The following MLLT1 variants were observed in gnomAD, a reference collection of about 807,000 sequenced individuals.
MLLT1 encodes the protein MLLT1 super elongation complex subunit.
MLLT1 carries 11 observed loss-of-function variants against 55.1 expected under a neutral mutation model. That is an observed-to-expected ratio of 0.20 (90% CI 0.13 to 0.33). The LOEUF is 0.33. MLLT1 is among the 10% of genes least tolerant of loss of function. The pLI is 1.00. For synonymous variants in MLLT1, 323 were observed against 320.1 expected, an observed-to-expected ratio of 1.01 and a Z score of -0.10; for missense variants, 536 against 760.6, an observed-to-expected ratio of 0.70 and a Z score of 3.47.
chr19:6,250,089 G>A (rs755018024), intron 3 of MLLT1, among the ~76,000 whole-genome samples: 8 of 151,484 alleles, frequency 5.3e-5, no homozygotes, highest in Non-Finnish European at 1.2e-4. Context: ...AATCAAATAC[G>A]GGCAAAGAGC....
rs146623698 is a variant in MLLT1 at position 6,254,688 on chromosome 19, T to C, written c.276+7540A>G. Among the ~76,000 whole-genome samples the C allele has an allele frequency of 2.9e-3, 445 of 152,304 alleles. 3 individuals carry two copies. The highest frequency in any genetic ancestry group is 5.2e-3 in the Non-Finnish European group (355 of 68,024). On this transcript the variant is annotated intron_variant, in intron 3 of 11. Coordinates refer to ENST00000252674, the MANE Select transcript of MLLT1 (RefSeq NM_005934.4). The stretch of plus-strand genomic sequence containing the variant: ...TGAGTGGAGAACAGGTTTTTCCTTC[T>C]TCTATAAGGGAATTTCCTTAACCTG...
intron 3 of MLLT1, among the ~76,000 whole-genome samples, chr19:6,237,204 C>A (rs948257257): frequency 1.3e-5 from 2 of 152,224 alleles, no homozygotes; most frequent in Non-Finnish European, 1.5e-5. Flanking sequence ...CTGTGGCCGG[C>A]GGGCCATGCG....
At chr19:6,266,184 G>A (rs571874888) in intron 2 of MLLT1, among the ~76,000 whole-genome samples, 1 of 151,156 alleles carries the variant, frequency 6.6e-6, no homozygotes, top group South Asian at 2.1e-4. Flanking sequence ...GGCTGAGGCA[G>A]GAGGACTGCT....
Position 6,240,223 on chromosome 19 carries a change from C to T in MLLT1, c.277-9510G>A, listed in dbSNP as rs1485204835. ...GAGGCCAGGGAGACCCCAGAGGCCC[C>T]GCCCCCTCCCACACATGTGCTCAGG... On this transcript the variant is annotated intron_variant, in intron 3 of 11. Coordinates refer to ENST00000252674, the MANE Select transcript of MLLT1 (RefSeq NM_005934.4). This position sits in a 1 kb window ranked among gnomAD's most constrained non-coding sequence, Gnocchi z 4.7. 6.6e-6 allele frequency among the ~76,000 whole-genome samples: 1 copy of T among 152,226 alleles called. No homozygotes were observed. Among genetic ancestry groups the T allele is most frequent in the Non-Finnish European group, 1.5e-5 (1 of 68,026 alleles).
intron 3 of MLLT1, among the ~76,000 whole-genome samples, chr19:6,255,266 G>A (rs2091248711): frequency 6.6e-6 from 1 of 152,248 alleles, no homozygotes; most frequent in Admixed American, 6.5e-5. Context: ...GCCGAGGTGG[G>A]CGGATCACTT....
chr19:6,264,881 C>A (rs770514591), intron 2 of MLLT1, among the ~76,000 whole-genome samples: 3 of 104,464 alleles, frequency 2.9e-5, no homozygotes, highest in African/African-American at 1.1e-4. Flanking sequence ...GGTGACTGAG[C>A]GAAACTCTGT....
chr19:6,226,844 G>A lies in MLLT1; in HGVS notation c.546+133C>T, dbSNP rs549237028. The A allele has an allele frequency of 2.8e-5, 17 of 607,516 alleles. No homozygotes were observed. The East Asian group carries it at 6.2e-4, about 22-fold the overall frequency. 37.6% of individuals were successfully genotyped at this position (607,516 alleles called of 1,614,324 possible). On this transcript the variant is annotated intron_variant, in intron 5 of 11. Transcript: ENST00000252674. The surrounding 1 kb of genome is among the most constrained non-coding windows in gnomAD (Gnocchi z 6.3). Reference sequence around the variant, plus strand: ...GTGCGCAGCGAGGGGTGTGCAGAGAGCTCAAAGAGGAAGACGCCAAGGGAG... The same window carrying A: ...GTGCGCAGCGAGGGGTGTGCAGAGAACTCAAAGAGGAAGACGCCAAGGGAG...
Position 6,227,196 on chromosome 19 carries a change from A to T in MLLT1, c.421-94T>A. The T allele has an allele frequency of 8.3e-6, 11 of 1,327,574 alleles. No homozygotes were observed. Among genetic ancestry groups the T allele is most frequent in the Non-Finnish European group, 1.1e-5 (11 of 977,404 alleles). 82.2% of individuals were successfully genotyped at this position (1,327,574 alleles called of 1,614,324 possible). Reference sequence around the variant, plus strand: ...AGGTGGTGGGGCTTCCCTCTGCAGGAGGGGAGAAGGGAGAGCCTGAGCGCT... The same window carrying T: ...AGGTGGTGGGGCTTCCCTCTGCAGGTGGGGAGAAGGGAGAGCCTGAGCGCT... On this transcript the variant is annotated intron_variant, in intron 4 of 11. Coordinates refer to ENST00000252674, the MANE Select transcript of MLLT1 (RefSeq NM_005934.4). The surrounding 1 kb of genome is among the most constrained non-coding windows in gnomAD (Gnocchi z 5.1).
Position 6,251,742 on chromosome 19 carries a change from T to A in MLLT1, c.276+10486A>T, listed in dbSNP as rs1354639908. 2.7e-5 allele frequency among the ~76,000 whole-genome samples: 4 copies of A among 147,844 alleles called. No individual in the cohort carries two copies. The East Asian group carries it at 7.9e-4, about 29-fold the overall frequency. ...GAGTTCGAGACCAGCCTGAGCAACATGACAAAACCCCATCTCTACCTCCCA... is the reference window on the plus strand; with the variant it reads ...GAGTTCGAGACCAGCCTGAGCAACAAGACAAAACCCCATCTCTACCTCCCA... On this transcript the variant is annotated intron_variant, in intron 3 of 11. Transcript: ENST00000252674.
chr19:6,274,575 C>T (rs1038046072), intron 1 of MLLT1, among the ~76,000 whole-genome samples: 1 of 152,190 alleles, frequency 6.6e-6, no homozygotes, highest in African/African-American at 2.4e-5. Context: ...TCCTTCAAGG[C>T]ACCAGGAATG....
At position 6,230,049 on chromosome 19, in the gene MLLT1, G is replaced by C. The variant is rs937445612; in HGVS notation, c.420+521C>G. On this transcript the variant is annotated intron_variant, in intron 4 of 11. Transcript: ENST00000252674. The surrounding 1 kb of genome is among the most constrained non-coding windows in gnomAD (Gnocchi z 9.0). ...CCACCACCAGCCCTGCGCCCACCCT[G>C]TTGCCAAGAGCCCTCGTGGGGAACT... Among the ~76,000 whole-genome samples, 1 of 151,808 alleles carries C rather than the reference G, an allele frequency of 6.6e-6. No homozygotes were observed. Among genetic ancestry groups the C allele is most frequent in the Non-Finnish European group, 1.5e-5 (1 of 67,948 alleles).
chr19:6,228,887 C>T (rs981256547), intron 4 of MLLT1, among the ~76,000 whole-genome samples: 9 of 152,186 alleles, frequency 5.9e-5, no homozygotes, highest in African/African-American at 1.4e-4. Flanking sequence ...CCCCCCACGG[C>T]GCCTGCTTCA....
rs563672582 is a variant in MLLT1 at position 6,231,651 on chromosome 19, GCCA to G, written c.277-941_277-939del. 3.9e-5 allele frequency among the ~76,000 whole-genome samples: 6 copies of G among 152,024 alleles called. No individual in the cohort carries two copies. The South Asian group carries it at 1.2e-3, about 32-fold the overall frequency. ...CAAGCAGCTGGGACTACAGGCGCCCGCCACCACGTCTGGCTAATTTTTTGTATT... is the reference window on the plus strand; with the variant it reads ...CAAGCAGCTGGGACTACAGGCGCCCGCCACGTCTGGCTAATTTTTTGTATT... On this transcript the variant is annotated intron_variant, in intron 3 of 11. Coordinates refer to ENST00000252674, the MANE Select transcript of MLLT1 (RefSeq NM_005934.4). The surrounding 1 kb of genome is among the most constrained non-coding windows in gnomAD (Gnocchi z 5.1).
In MLLT1 at chr19:6,256,836, C is replaced by T. The variant is rs148470020; in HGVS notation, c.276+5392G>A. ...AGTATGGCCAGCATAAGCACAGACA[C>T]GTAGACCAATGAAATAGAATTCAGA... On this transcript the variant is annotated intron_variant, in intron 3 of 11. Coordinates refer to ENST00000252674, the MANE Select transcript of MLLT1 (RefSeq NM_005934.4). This position sits in a 1 kb window ranked among gnomAD's most constrained non-coding sequence, Gnocchi z 4.1. Among the ~76,000 whole-genome samples, 3 of 152,208 alleles carry T rather than the reference C, an allele frequency of 2.0e-5. No homozygotes were observed. The highest frequency in any genetic ancestry group is 2.9e-5 in the Non-Finnish European group (2 of 68,032).
At position 6,270,780 on chromosome 19, in the gene MLLT1, G is replaced by C; in HGVS notation, c.13-21C>G. On this transcript the variant is annotated intron_variant, in intron 1 of 11. Transcript: ENST00000252674. The surrounding 1 kb of genome is among the most constrained non-coding windows in gnomAD (Gnocchi z 7.1). ...GTGCACTGGAGGAGAGAGAGGTGGG[G>C]AGATGAAGTCAGCACACGCCTCCAA... 1 of 1,585,438 alleles carries C rather than the reference G, an allele frequency of 6.3e-7. No homozygotes were observed. The highest frequency in any genetic ancestry group is 8.6e-7 in the Non-Finnish European group (1 of 1,162,506).
At chr19:6,234,006 T>A (rs1182327711) in intron 3 of MLLT1, among the ~76,000 whole-genome samples, 1 of 148,532 alleles carries the variant, frequency 6.7e-6, no homozygotes, top group East Asian at 2.0e-4. Flanking sequence ...GCCAACTGAG[T>A]GAGATGCTAG....
Position 6,211,782 on chromosome 19 carries a change from C to G in MLLT1, c.*1260G>C, listed in dbSNP as rs966480075. On this transcript the variant is annotated 3_prime_UTR_variant, in exon 12 of 12. Coordinates refer to ENST00000252674, the MANE Select transcript of MLLT1 (RefSeq NM_005934.4). The surrounding 1 kb of genome is among the most constrained non-coding windows in gnomAD (Gnocchi z 4.6). ...CGATGGGCTGGCTCCGCGGGAGCGT[C>G]CTGGCCCTGGAAGAGTGGGCCGGGA... The G allele has an allele frequency of 1.2e-5, 13 of 1,064,416 alleles. No individual in the cohort carries two copies. In the East Asian group the frequency reaches 4.0e-4, roughly 33 times the overall value. 65.9% of individuals were successfully genotyped at this position (1,064,416 alleles called of 1,614,324 possible). A position where few individuals can be genotyped will look rare whatever the true frequency, so the allele number is the denominator to read the frequency against.
In MLLT1 at chr19:6,212,809, G is replaced by C. The variant is rs2090792911; in HGVS notation, c.*233C>G. On this transcript the variant is annotated 3_prime_UTR_variant, in exon 12 of 12. Coordinates refer to ENST00000252674, the MANE Select transcript of MLLT1 (RefSeq NM_005934.4). ...CCAGCCGCTCTCTGAGGGGAGCCCA[G>C]AGAGCCCGGGGGGCGGCTCCCGTGT... 2.2e-6 allele frequency: 2 copies of C among 908,658 alleles called. No homozygotes were observed. The highest frequency in any genetic ancestry group is 4.2e-5 in the South Asian group (2 of 47,336). 56.3% of individuals were successfully genotyped at this position (908,658 alleles called of 1,614,324 possible).
chr19:6,247,007 C>T (rs920086684), intron 3 of MLLT1, among the ~76,000 whole-genome samples: 5 of 152,182 alleles, frequency 3.3e-5, no homozygotes, highest in South Asian at 2.1e-4. Context: ...TGGAATTAAA[C>T]GGGTAAACAA....
Sources: gnomAD v4.1 joint callset for allele counts (sites outside exome capture counted in the v4.1 genomes callset) on GRCh38, gnomAD v4.1.1 for gene constraint, Gnocchi (gnomAD v3.1) non-coding constraint, MANE v1.5 for transcripts, NCBI Gene and HGNC (gene_info 2026-07-23, HGNC 2026-07-21) for gene names.